DLG2: variants seen among roughly 807,000 people sequenced by gnomAD.
The protein encoded by DLG2 is discs large MAGUK scaffold protein 2.
In DLG2, 45 loss-of-function variants were observed where a neutral mutation model predicts 132.5. The ratio of observed to expected loss-of-function variants is 0.34; its 90% confidence interval spans 0.27 to 0.44. DLG2 has a LOEUF of 0.44. DLG2 is among the 20% of genes least tolerant of loss of function. The pLI, the probability that DLG2 is intolerant of heterozygous loss-of-function variation, is 1.00. For missense variants in DLG2, 1,045 were observed against 1,196.9 expected (o/e 0.87, Z 1.87); for synonymous variants, 424 against 419.6 (o/e 1.01, Z -0.13).
Position 83,823,646 on chromosome 11 carries a change from G to GTCATTCATTCAT in DLG2, c.1722+9956_1722+9967dup, listed in dbSNP as rs112028362. Reference sequence around the variant, plus strand: ...CCTTCAGAGAAGTGGGCAAAGATGAGTCATTCATTCATTCATTCATTCATT... The same window carrying GTCATTCATTCAT: ...CCTTCAGAGAAGTGGGCAAAGATGAGTCATTCATTCATTCATTCATTCATTCATTCATTCATT... On this transcript the variant is annotated intron_variant, in intron 17 of 27. Transcript: ENST00000376104. Among the ~76,000 whole-genome samples the GTCATTCATTCAT allele has an allele frequency of 2.2e-3, 324 of 149,712 alleles. 2 individuals are homozygous for GTCATTCATTCAT. The highest frequency in any genetic ancestry group is 7.8e-3 in the African/African-American group (307 of 39,550).
intron 14 of DLG2, among the ~76,000 whole-genome samples, chr11:83,950,894 A>T (rs1332117690): frequency 1.3e-5 from 2 of 151,886 alleles, no homozygotes; most frequent in Non-Finnish European, 2.9e-5. Flanking sequence ...CACCTCTATT[A>T]TATTTTTGGG....
chr11:84,644,070 A>G (rs1446907485), intron 6 of DLG2, among the ~76,000 whole-genome samples: 1 of 152,104 alleles, frequency 6.6e-6, no homozygotes, highest in Non-Finnish European at 1.5e-5. Context: ...CTGTTTCTAA[A>G]TGTTTATTTT....
intron 7 of DLG2, among the ~76,000 whole-genome samples, chr11:84,526,723 T>C (rs1217816176): frequency 2.6e-5 from 4 of 151,780 alleles, no homozygotes; most frequent in African/African-American, 7.3e-5. Flanking sequence ...AGAAAAAACA[T>C]AGTATAAATA....
intron 18 of DLG2, among the ~76,000 whole-genome samples, chr11:83,680,403 T>C (rs1007396948): frequency 6.6e-6 from 1 of 152,230 alleles, no homozygotes; most frequent in Non-Finnish European, 1.5e-5. Flanking sequence ...CCTTCAGCTG[T>C]GTGACCTAAG....
At chr11:85,121,651 T>A (rs2074331372) in intron 5 of DLG2, among the ~76,000 whole-genome samples, 15 of 152,098 alleles carry the variant, frequency 9.9e-5, no homozygotes, top group Admixed American at 9.8e-4. Context: ...TCCAGGTGTA[T>A]ATAAGGAATT....
chr11:83,920,623 A>G (rs934460121), intron 15 of DLG2, among the ~76,000 whole-genome samples: 4 of 152,172 alleles, frequency 2.6e-5, no homozygotes, highest in East Asian at 1.9e-4. Context: ...ATATACAAAT[A>G]TAATGATAGC....
intron 7 of DLG2, among the ~76,000 whole-genome samples, chr11:84,459,765 G>A (rs574596609): frequency 7.3e-5 from 11 of 150,452 alleles, no homozygotes; most frequent in African/African-American, 2.7e-4. Flanking sequence ...GAAGTAGTTA[G>A]AAGTATACAT....
chr11:83,709,366 C>T (rs545917103), intron 18 of DLG2, among the ~76,000 whole-genome samples: 2 of 148,104 alleles, frequency 1.4e-5, no homozygotes, highest in South Asian at 2.1e-4. Context: ...TACACACACA[C>T]ACACATATAT....
intron 19 of DLG2, among the ~76,000 whole-genome samples, chr11:83,590,438 C>T: frequency 6.6e-6 from 1 of 152,034 alleles, no homozygotes; most frequent in African/African-American, 2.4e-5. Flanking sequence ...TTCTTTGAAA[C>T]CAATGAGAAC....
intron 7 of DLG2, among the ~76,000 whole-genome samples, chr11:84,411,775 T>C (rs985602537): frequency 2.0e-5 from 3 of 152,234 alleles, no homozygotes; most frequent in African/African-American, 7.2e-5. Flanking sequence ...TCAAGTATCA[T>C]TATCATGCCA....
At chr11:83,468,648 G>A (rs1347008) in intron 25 of DLG2, among the ~76,000 whole-genome samples, 105,021 of 152,014 alleles carry the variant, frequency 0.69, 37,382 homozygotes, top group African/African-American at 0.85. Context: ...GGCAGATTGT[G>A]TAGCCACACC....
intron 9 of DLG2, among the ~76,000 whole-genome samples, chr11:84,160,494 ATT>A (rs66616597): frequency 2.4e-4 from 36 of 148,750 alleles, no homozygotes; most frequent in African/African-American, 2.2e-4. Flanking sequence ...ACAGGTTAAA[ATT>A]TAAAAAATGA....
intron 6 of DLG2, among the ~76,000 whole-genome samples, chr11:85,064,980 G>A (rs974310246): frequency 1.3e-5 from 2 of 151,248 alleles, no homozygotes; most frequent in African/African-American, 4.9e-5. Flanking sequence ...ACCGATATAG[G>A]TACTTTACAT....
chr11:84,730,087 T>A (rs1031694709), intron 6 of DLG2, among the ~76,000 whole-genome samples: 10 of 152,050 alleles, frequency 6.6e-5, no homozygotes, highest in African/African-American at 2.4e-4. Flanking sequence ...CTGAGAATAT[T>A]CTTAGTGGCA....
intron 11 of DLG2, among the ~76,000 whole-genome samples, chr11:83,992,390 G>C (rs890932816): frequency 4.6e-5 from 7 of 152,126 alleles, no homozygotes; most frequent in African/African-American, 1.7e-4. Context: ...TGGGCTAGAG[G>C]GGGTAGTGTC....
intron 3 of DLG2, among the ~76,000 whole-genome samples, chr11:85,328,542 GATGCAGAAAAAGCCT>G (rs1381791193): frequency 2.6e-5 from 1 of 39,094 alleles, no homozygotes; most frequent in African/African-American, 1.1e-4. Context: ...TATCTCAATA[GATGCAGAAAAAGCCT>G]TTGACAAAAT....
At chr11:83,487,761 T>C (rs1399296958) in intron 21 of DLG2, among the ~76,000 whole-genome samples, 1 of 152,190 alleles carries the variant, frequency 6.6e-6, no homozygotes, top group East Asian at 1.9e-4. Context: ...TAGTCATTCA[T>C]ATTTTTTGGA....
intron 3 of DLG2, among the ~76,000 whole-genome samples, chr11:85,393,355 C>A (rs2152950817): frequency 6.6e-6 from 1 of 152,222 alleles, no homozygotes; most frequent in African/African-American, 2.4e-5. Context: ...TGAAAAGGAA[C>A]ACTTTTACAC....
At chr11:84,718,054 G>A (rs1286101648) in intron 6 of DLG2, among the ~76,000 whole-genome samples, 1 of 151,972 alleles carries the variant, frequency 6.6e-6, no homozygotes, top group African/African-American at 2.4e-5. Context: ...TAGGAGGAAG[G>A]CTACAGTAGA....
Sources: allele counts gnomAD v4.1 joint callset (sites outside exome capture counted in the v4.1 genomes callset), GRCh38; gene constraint gnomAD v4.1.1; transcripts MANE v1.5; gene names NCBI Gene and HGNC (gene_info 2026-07-23, HGNC 2026-07-21).